LARGE1: variants seen among roughly 807,000 people sequenced by gnomAD.
The protein encoded by LARGE1 is LARGE xylosyl- and glucuronyltransferase 1, also known as xylosyl- and glucuronyltransferase LARGE1.
In LARGE1, 43 loss-of-function variants were observed where a neutral mutation model predicts 87.6. The ratio of observed to expected loss-of-function variants is 0.49; its 90% CI spans 0.38 to 0.63. LARGE1 has a LOEUF of 0.63. LARGE1 is among the 30% of genes least tolerant of loss of function. The probability of loss-of-function intolerance (pLI) is 0.00; values close to 1 mark genes in which losing one functional copy is unlikely to be tolerated. For missense variants in LARGE1, 802 were observed against 1,000.2 expected (o/e 0.80, Z 2.67); for synonymous variants, 434 against 394.6 (o/e 1.10, Z -1.18).
intron 6 of LARGE1, among the ~76,000 whole-genome samples, chr22:33,465,561 A>C (rs968612977): frequency 2.0e-5 from 3 of 152,236 alleles, no homozygotes; most frequent in Admixed American, 6.5e-5. Context: ...TGAGGAAACA[A>C]TAGGCTTTGC....
chr22:33,358,120 C>G (rs1015687970), intron 9 of LARGE1, among the ~76,000 whole-genome samples: 6 of 152,138 alleles, frequency 3.9e-5, no homozygotes, highest in African/African-American at 1.4e-4. Flanking sequence ...CATATTTAAT[C>G]CTGAGGACTC....
intron 6 of LARGE1, among the ~76,000 whole-genome samples, chr22:33,541,054 C>CG (rs57583473): frequency 0.037 from 504 of 13,574 alleles, 39 homozygotes; most frequent in East Asian, 0.052. Context: ...TGGTGGGTTG[C>CG]GGGGGGGGGG....
At chr22:33,263,816 A>C (rs1013409446) in intron 11 of LARGE1, among the ~76,000 whole-genome samples, 1 of 152,264 alleles carries the variant, frequency 6.6e-6, no homozygotes, top group Non-Finnish European at 1.5e-5. Flanking sequence ...AGGACCTGTT[A>C]CAACTGGATG....
At chr22:33,343,548 C>T (rs755928757) in intron 9 of LARGE1, among the ~76,000 whole-genome samples, 7 of 152,130 alleles carry the variant, frequency 4.6e-5, no homozygotes, top group African/African-American at 2.4e-5. Context: ...ATAGCTCTCA[C>T]GTTTCCTCAG....
intron 5 of LARGE1, among the ~76,000 whole-genome samples, chr22:33,569,170 G>T (rs555980746): frequency 6.6e-6 from 1 of 152,252 alleles, no homozygotes; most frequent in African/African-American, 2.4e-5. Flanking sequence ...CTGAGGCTTG[G>T]CAATCATTAG....
intron 13 of LARGE1, among the ~76,000 whole-genome samples, chr22:33,282,835 T>C (rs1003137133): frequency 2.0e-5 from 3 of 152,028 alleles, no homozygotes; most frequent in African/African-American, 7.2e-5. Context: ...GACGAATGAA[T>C]GGACAAGCAC....
chr22:33,914,682 T>A (rs1209241727), intron 1 of LARGE1, among the ~76,000 whole-genome samples: 1 of 152,190 alleles, frequency 6.6e-6, no homozygotes, highest in Non-Finnish European at 1.5e-5. Flanking sequence ...AGTGCACCTA[T>A]GAACTGGTCA....
chr22:33,450,557 G>A (rs934911000), intron 6 of LARGE1, among the ~76,000 whole-genome samples: 1 of 151,966 alleles, frequency 6.6e-6, no homozygotes, highest in Non-Finnish European at 1.5e-5. Context: ...AGGCTGCAGT[G>A]AGCCAAGATA....
At chr22:33,151,291 T>A in the LARGE1 span, among the ~76,000 whole-genome samples, 3 of 152,198 alleles carry the variant, frequency 2.0e-5, no homozygotes, top group Non-Finnish European at 4.4e-5. Context: ...TTTGTGTGTG[T>A]GTGTTGACCT....
At chr22:33,571,273 G>C (rs1398829058) in intron 5 of LARGE1, among the ~76,000 whole-genome samples, 1 of 152,188 alleles carries the variant, frequency 6.6e-6, no homozygotes, top group Non-Finnish European at 1.5e-5. Context: ...AGGGAAATCT[G>C]CCTTCTTGAA....
At chr22:33,152,288 C>G in the LARGE1 span, among the ~76,000 whole-genome samples, 7 of 152,334 alleles carry the variant, frequency 4.6e-5, no homozygotes, top group African/African-American at 1.7e-4. Flanking sequence ...TGATTGAGCC[C>G]AGTGGCATGC....
intron 1 of LARGE1, among the ~76,000 whole-genome samples, chr22:33,826,172 G>A (rs7291489): frequency 0.011 from 1,655 of 152,076 alleles, 30 homozygotes; most frequent in African/African-American, 0.037. Context: ...CCAAAATCAA[G>A]GTGCTGCAGG....
chr22:33,671,095 C>T (rs758127819), intron 2 of LARGE1, among the ~76,000 whole-genome samples: 3 of 152,152 alleles, frequency 2.0e-5, no homozygotes, highest in Non-Finnish European at 4.4e-5. Flanking sequence ...AAAGAAAATG[C>T]TGGAAAGACA....
At chr22:33,715,634 C>T (rs1045847891) in intron 2 of LARGE1, among the ~76,000 whole-genome samples, 1 of 152,174 alleles carries the variant, frequency 6.6e-6, no homozygotes, top group African/African-American at 2.4e-5. Flanking sequence ...CAGGCCCTAA[C>T]CCCCAGAGCA....
intron 4 of LARGE1, among the ~76,000 whole-genome samples, chr22:33,613,039 A>G (rs1260176476): frequency 6.6e-6 from 1 of 152,242 alleles, no homozygotes; most frequent in African/African-American, 2.4e-5. Flanking sequence ...TGTCAAAGGG[A>G]ATAGTGGGTT....
intron 6 of LARGE1, among the ~76,000 whole-genome samples, chr22:33,487,571 G>A (rs2069641772): frequency 6.6e-6 from 1 of 152,146 alleles, no homozygotes; most frequent in African/African-American, 2.4e-5. Context: ...CAGAGAAAGT[G>A]CCTATCCATC....
intron 1 of LARGE1, among the ~76,000 whole-genome samples, chr22:33,852,713 G>A (rs115264221): frequency 7.4e-4 from 113 of 151,738 alleles, no homozygotes; most frequent in African/African-American, 2.6e-3. Flanking sequence ...AAAATAAGCC[G>A]GGCGTGGCGG....
At chr22:33,464,735 A>G (rs1043204978) in intron 6 of LARGE1, among the ~76,000 whole-genome samples, 1 of 152,206 alleles carries the variant, frequency 6.6e-6, no homozygotes, top group African/African-American at 2.4e-5. Flanking sequence ...GGTGGCAATA[A>G]GAACTCTTCA....
In LARGE1 at chr22:33,304,308, T is replaced by C. The variant is rs752354308; in HGVS notation, c.1651A>G (p.Met551Val). 6.2e-7 allele frequency: 1 copy of C among 1,614,270 alleles called. No homozygotes were observed. Among genetic ancestry groups the C allele is most frequent in the Non-Finnish European group, 8.5e-7 (1 of 1,180,052 alleles). Residue 551 changes from methionine to valine, a missense_variant, in exon 12 of 15, where the codon ATG becomes GTG. Physicochemically the swap from Met to Val is conservative, Grantham distance 21. This residue lies in a region of LARGE1 where 625 missense variants were observed against 841.9 expected (regional missense o/e 0.74). Transcript: ENST00000397394. ...ATGTAGGGAGTGCTGATGTGCTTCA[T>C]GGCCACGTTGCGCAGCAGGTTCACG... The part of the protein sequence containing the change: ...YPVNLLRNVA[M>V]KHISTPYMFL...
Sources: gnomAD v4.1 joint callset for allele counts (sites outside exome capture counted in the v4.1 genomes callset) on GRCh38, gnomAD v4.1.1 for gene constraint, gnomAD v4.1.1 regional missense constraint, MANE v1.5 for transcripts, NCBI Gene and HGNC (gene_info 2026-07-23, HGNC 2026-07-21) for gene names.